GREB1L: variants seen among roughly 807,000 people sequenced by gnomAD.
GREB1L encodes GREB1-like protein.
Under a neutral mutation model 200.8 loss-of-function variants are expected in GREB1L, and 17 were observed. The observed-to-expected ratio is 0.08, with a 90% confidence interval of 0.06 to 0.13. The LOEUF is 0.13. Ranked by LOEUF, GREB1L falls within the 10% of genes least tolerant of loss-of-function variation. The pLI, the probability that GREB1L is intolerant of heterozygous loss-of-function variation, is 1.00. For missense variants in GREB1L, 1,657 were observed against 2,367.7 expected, an observed-to-expected ratio of 0.70 and a Z score of 6.23; for synonymous variants, 789 against 893.0, an observed-to-expected ratio of 0.88 and a Z score of 2.08.
In GREB1L at chr18:21,518,715, T is replaced by C. The variant is rs545399061; in HGVS notation, c.5472+481T>C. Among the ~76,000 whole-genome samples the C allele has an allele frequency of 8.5e-5, 13 of 152,342 alleles. No individual in the cohort carries two copies. The East Asian group carries it at 2.5e-3, about 29-fold the overall frequency. On this transcript the variant is annotated intron_variant, in intron 31 of 32. Transcript: ENST00000424526. ...GCTCAGTGATTACCGAACAAATAAA[T>C]GTGTATCACCTGAAGCCTTTAGAGG...
chr18:21,297,146 C>A (rs2038542716), intron 1 of GREB1L, among the ~76,000 whole-genome samples: 1 of 152,074 alleles, frequency 6.6e-6, no homozygotes, highest in Non-Finnish European at 1.5e-5. Context: ...CCCAGGGAAA[C>A]AGAATTTGCA....
At chr18:21,303,044 A>G (rs1196922677) in intron 1 of GREB1L, among the ~76,000 whole-genome samples, 1 of 152,122 alleles carries the variant, frequency 6.6e-6, no homozygotes, top group Admixed American at 6.6e-5. Flanking sequence ...TTTAGCAGAG[A>G]CAGGGTTTCA....
intron 1 of GREB1L, among the ~76,000 whole-genome samples, chr18:21,361,983 A>G (rs2039586847): frequency 6.6e-6 from 1 of 152,168 alleles, no homozygotes; most frequent in Non-Finnish European, 1.5e-5. Flanking sequence ...AGTGTGTATA[A>G]GGCTTTGTTT....
At chr18:21,280,058 T>C (rs1173839942) in intron 1 of GREB1L, among the ~76,000 whole-genome samples, 1 of 152,238 alleles carries the variant, frequency 6.6e-6, no homozygotes, top group Non-Finnish European at 1.5e-5. Context: ...ATTCATAGTT[T>C]ATATTAGGGT....
Position 21,403,835 on chromosome 18 carries a change from G to T in GREB1L, c.710-37G>T, listed in dbSNP as rs189124223. The T allele has an allele frequency of 6.1e-5, 94 of 1,533,104 alleles. No homozygotes were observed. In the African/African-American group the frequency reaches 1.2e-3, roughly 19 times the overall value. 95.0% of individuals were successfully genotyped at this position (1,533,104 alleles called of 1,614,324 possible). A position where few individuals can be genotyped will look rare whatever the true frequency, so the allele number is the denominator to read the frequency against. On this transcript the variant is annotated intron_variant, in intron 6 of 32. Coordinates refer to ENST00000424526, the MANE Select transcript of GREB1L (RefSeq NM_001142966.3). Reference sequence around the variant, plus strand: ...CCATCACCTGTTTTAACAGAACATTGGTCACTTCATACAATGTGATTTTTA... The same window carrying T: ...CCATCACCTGTTTTAACAGAACATTTGTCACTTCATACAATGTGATTTTTA...
intron 1 of GREB1L, among the ~76,000 whole-genome samples, chr18:21,246,773 C>T (rs1031290778): frequency 3.9e-5 from 6 of 151,996 alleles, no homozygotes; most frequent in Non-Finnish European, 7.4e-5. Flanking sequence ...AAGATATAAA[C>T]GATATTTAAG....
At chr18:21,395,676 A>G (rs1423274313) in intron 5 of GREB1L, 115 bp downstream of exon 5, 6 of 723,800 alleles carry the variant, frequency 8.3e-6, no homozygotes, top group Non-Finnish European at 1.3e-5. Context: ...TGGGGATTAT[A>G]TAGTTTAGTT....
At chr18:21,337,694 A>T (rs1236581763) in intron 1 of GREB1L, among the ~76,000 whole-genome samples, 1 of 152,158 alleles carries the variant, frequency 6.6e-6, no homozygotes, top group Admixed American at 6.6e-5. Flanking sequence ...CTTTTTAAAA[A>T]TTCTTTTTTT....
intron 1 of GREB1L, among the ~76,000 whole-genome samples, chr18:21,330,880 CTG>C (rs1222479292): frequency 6.6e-6 from 1 of 152,138 alleles, no homozygotes; most frequent in Non-Finnish European, 1.5e-5. Flanking sequence ...CACTGAGTGA[CTG>C]TTAGAATTTT....
At chr18:21,294,446 A>G (rs1426979603) in intron 1 of GREB1L, among the ~76,000 whole-genome samples, 9 of 151,976 alleles carry the variant, frequency 5.9e-5, no homozygotes, top group African/African-American at 1.9e-4. Context: ...TGAGACTTTG[A>G]AAACAAAATA....
chr18:21,330,025 T>A (rs888541694), intron 1 of GREB1L, among the ~76,000 whole-genome samples: 33 of 147,666 alleles, frequency 2.2e-4, no homozygotes, highest in Non-Finnish European at 3.6e-4. Flanking sequence ...TTCAAAGGGG[T>A]CATCAATCCT....
rs1461467584 is a variant in GREB1L, at chr18:21,428,617, A to G, written c.833-10904A>G. On this transcript the variant is annotated intron_variant, in intron 7 of 32. Coordinates refer to ENST00000424526, the MANE Select transcript of GREB1L (RefSeq NM_001142966.3). ...TGAATTTCAGCTATAAATCTCACTT[A>G]GCCATAGCATATAGTCCCTTTTTTT... Among the ~76,000 whole-genome samples the G allele has an allele frequency of 2.8e-5, 4 of 141,512 alleles. No individual in the cohort carries two copies. The Admixed American group carries it at 2.9e-4, about 10-fold the overall frequency. The allele number at this position is 141,512 out of a possible 152,430, so 92.8% of individuals were successfully genotyped here. A position where few individuals can be genotyped will look rare whatever the true frequency, so the allele number is the denominator to read the frequency against.
At position 21,490,342 on chromosome 18, in the gene GREB1L, G is replaced by A. The variant is rs370650862; in HGVS notation, c.3021G>A (p.Ala1007=). Residue 1007 remains alanine, a synonymous_variant, in exon 19 of 33, where the codon GCG becomes GCA. Transcript: ENST00000424526. ...TCAGTGTTGCAACTCACTTTGTGGC[G>A]CGATTAAAGGTTAGCAATGGACAGA... The part of the protein sequence containing the change: ...TELSVATHFV[A]RLKSWRGNEP... 1.0e-4 allele frequency: 159 copies of A among 1,550,242 alleles called. No homozygotes were observed. The African/African-American group carries it at 1.7e-3, about 17-fold the overall frequency.
chr18:21,256,865 T>A (rs530723182), intron 1 of GREB1L, among the ~76,000 whole-genome samples: 1 of 151,706 alleles, frequency 6.6e-6, no homozygotes, highest in South Asian at 2.1e-4. Flanking sequence ...ATTAGCTGGG[T>A]TTGTTGGTAC....
At chr18:21,441,961 G>A (rs2033926948) in intron 10 of GREB1L, among the ~76,000 whole-genome samples, 1 of 152,172 alleles carries the variant, frequency 6.6e-6, no homozygotes, top group Non-Finnish European at 1.5e-5. Context: ...GGTCCTGAAG[G>A]TTGGTCAAAG....
chr18:21,490,456 G>A, intron 19 of GREB1L, 105 bp downstream of exon 19: 1 of 859,880 alleles, frequency 1.2e-6, no homozygotes, highest in Non-Finnish European at 1.8e-6. Context: ...AATCACATGT[G>A]TGATTCCATG....
At chr18:21,506,394 CAAA>C (rs1188698883) in intron 25 of GREB1L, among the ~76,000 whole-genome samples, 1 of 107,006 alleles carries the variant, frequency 9.3e-6, no homozygotes. Context: ...GACTCCGTCT[CAAA>C]AAAAAAAAAA....
rs1338649723 is a variant in GREB1L, at chr18:21,525,566, A to AGAT, written c.*2746_*2748dup. 6.6e-6 allele frequency: 1 copy of AGAT among 151,966 alleles called. No homozygotes were observed. Among genetic ancestry groups the AGAT allele is most frequent in the Admixed American group, 6.6e-5 (1 of 15,264 alleles). 9.4% of individuals were successfully genotyped at this position (151,966 alleles called of 1,614,324 possible). On this transcript the variant is annotated 3_prime_UTR_variant, in exon 33 of 33. Coordinates refer to ENST00000424526, the MANE Select transcript of GREB1L (RefSeq NM_001142966.3). ...AAGAGGTGTTGAAAACATACATAGT[A>AGAT]GATACCAATCTTTTATTTGACAGAT...
At chr18:21,416,647 T>C (rs1488825307) in intron 7 of GREB1L, among the ~76,000 whole-genome samples, 2 of 150,430 alleles carry the variant, frequency 1.3e-5, no homozygotes, top group African/African-American at 2.4e-5. Context: ...TGAGCCAAGA[T>C]TGCCCCACTG....
Sources: gnomAD v4.1 joint callset for allele counts (sites outside exome capture counted in the v4.1 genomes callset) on GRCh38, gnomAD v4.1.1 for gene constraint, MANE v1.5 for transcripts, NCBI Gene and HGNC (gene_info 2026-07-23, HGNC 2026-07-21) for gene names.